The following PHACTR2 variants were observed in gnomAD, a reference collection of about 807,000 sequenced individuals.
PHACTR2 encodes chromosome 6 open reading frame 56.
PHACTR2 carries 30 observed loss-of-function variants against 76.0 expected under a neutral mutation model. The observed-to-expected ratio is 0.39, with a 90% confidence interval of 0.30 to 0.54. The LOEUF is 0.54. Ranked by LOEUF, PHACTR2 falls within the 20% of genes least tolerant of loss-of-function variation. The pLI, the probability that PHACTR2 is intolerant of heterozygous loss-of-function variation, is 0.61. For missense variants in PHACTR2, 696 were observed against 781.1 expected (o/e 0.89, Z 1.30); for synonymous variants, 292 against 292.5 (o/e 1.00, Z 0.02).
At position 143,547,631 on chromosome 6, in the gene PHACTR2, G is replaced by C. The variant is rs1325120495; in HGVS notation, c.217+10424G>C. On this transcript the variant is annotated intron_variant, in intron 1 of 11. Transcript: ENST00000367584. This position sits in a 1 kb window ranked among gnomAD's most constrained non-coding sequence, Gnocchi z 4.2. ...GATTACTAAGTAATAGCAAGGGTTT[G>C]AACAAAATGAACAAATTTCTATAGT... 6.6e-6 allele frequency among the ~76,000 whole-genome samples: 1 copy of C among 152,204 alleles called. No individual in the cohort carries two copies.
Position 143,754,633 on chromosome 6 carries a change from C to T in PHACTR2, c.454+721C>T, listed in dbSNP as rs149898363. On this transcript the variant is annotated intron_variant, in intron 4 of 12. Transcript: ENST00000440869. The surrounding 1 kb of genome is among the most constrained non-coding windows in gnomAD (Gnocchi z 6.2). ...CTATCAGGGACTCCCAGAACATTCA[C>T]AAATTCCTAGTTATGGATTGATGAC... 7.0e-3 allele frequency among the ~76,000 whole-genome samples: 1,073 copies of T among 152,304 alleles called. 13 individuals carry two copies. Among genetic ancestry groups the T allele is most frequent in the African/African-American group, 0.024 (1,014 of 41,558 alleles).
In PHACTR2 at chr6:143,679,959, G is replaced by T. The variant is rs1777351274; in HGVS notation, c.46+1750G>T. 1.3e-5 allele frequency among the ~76,000 whole-genome samples: 2 copies of T among 152,116 alleles called. No homozygotes were observed. Among genetic ancestry groups the T allele is most frequent in the African/African-American group, 4.8e-5 (2 of 41,416 alleles). Reference sequence around the variant, plus strand: ...AGTTTTGCGGATTAAAAGTTTGTATGAATTGAAATGACCAATCCATACATC... The same window carrying T: ...AGTTTTGCGGATTAAAAGTTTGTATTAATTGAAATGACCAATCCATACATC... On this transcript the variant is annotated intron_variant, in intron 1 of 12. Coordinates refer to ENST00000440869, the MANE Select transcript of PHACTR2 (RefSeq NM_001100164.2). The surrounding 1 kb of genome is among the most constrained non-coding windows in gnomAD (Gnocchi z 4.6).
Position 143,581,031 on chromosome 6 carries a change from G to A in PHACTR2, c.217+43824G>A, listed in dbSNP as rs1775566563. Among the ~76,000 whole-genome samples the A allele has an allele frequency of 1.3e-5, 2 of 152,192 alleles. No homozygotes were observed. The highest frequency in any genetic ancestry group is 6.5e-5 in the Admixed American group (1 of 15,280). ...CCTACACATCAGGAGCTCAAAAACA[G>A]ATATATTCTTTAAATGTCTAGCCAA... On this transcript the variant is annotated intron_variant, in intron 1 of 11. Transcript: ENST00000367584. This position sits in a 1 kb window ranked among gnomAD's most constrained non-coding sequence, Gnocchi z 4.5.
rs1776844815 is a variant in PHACTR2, at chr6:143,656,080, G to A, written c.13+47758G>A. On this transcript the variant is annotated intron_variant, in intron 1 of 11. Transcript: ENST00000305766. The surrounding 1 kb of genome is among the most constrained non-coding windows in gnomAD (Gnocchi z 5.3). ...TTAAAAGAAGCATCAGTGGAGGGAA[G>A]GGTAAATCGTGGGATAAAATACACT... Among the ~76,000 whole-genome samples, 2 of 152,166 alleles carry A rather than the reference G, an allele frequency of 1.3e-5. No individual in the cohort carries two copies. Among genetic ancestry groups the A allele is most frequent in the Admixed American group, 1.3e-4 (2 of 15,270 alleles).
chr6:143,608,469 C>A lies in PHACTR2; in HGVS notation c.13+147C>A. 1 of 765,732 alleles carries A rather than the reference C, an allele frequency of 1.3e-6. No individual in the cohort carries two copies. 47.4% of individuals were successfully genotyped at this position (765,732 alleles called of 1,614,324 possible). A position where few individuals can be genotyped will look rare whatever the true frequency, so the allele number is the denominator to read the frequency against. ...CGCGTGTAATATGTGAACCCCGATGCATTGTCCACAAGACAATTAGTGTTT... is the reference window on the plus strand; with the variant it reads ...CGCGTGTAATATGTGAACCCCGATGAATTGTCCACAAGACAATTAGTGTTT... On this transcript the variant is annotated intron_variant, in intron 1 of 11. Transcript: ENST00000305766. The surrounding 1 kb of genome is among the most constrained non-coding windows in gnomAD (Gnocchi z 4.6).
chr6:143,584,866 G>A (rs971234758), intron 1 of PHACTR2, among the ~76,000 whole-genome samples: 3 of 151,800 alleles, frequency 2.0e-5, no homozygotes, highest in Non-Finnish European at 2.9e-5. Context: ...ATTAGGACTC[G>A]GGCACCAGGG....
rs9403511 is a variant in PHACTR2 at position 143,571,634 on chromosome 6, T to G, written c.217+34427T>G. On this transcript the variant is annotated intron_variant, in intron 1 of 11. Coordinates refer to the PHACTR2 transcript ENST00000367584. The surrounding 1 kb of genome is among the most constrained non-coding windows in gnomAD (Gnocchi z 4.6). ...TTGCTATGTTTCCCAGGCCGGTCAATCATCACTCATTTTGTTGCCCACATT... is the reference window on the plus strand; with the variant it reads ...TTGCTATGTTTCCCAGGCCGGTCAAGCATCACTCATTTTGTTGCCCACATT... Among the ~76,000 whole-genome samples, 39,796 of 151,842 alleles carry G rather than the reference T, an allele frequency of 0.26. 5,238 individuals carry two copies. Among genetic ancestry groups the G allele is most frequent in the South Asian group, 0.39 (1,894 of 4,808 alleles).
At chr6:143,564,884 C>A (rs1044141940) in intron 1 of PHACTR2, among the ~76,000 whole-genome samples, 2 of 149,404 alleles carry the variant, frequency 1.3e-5, no homozygotes, top group African/African-American at 4.9e-5. Context: ...GTATTTTTCT[C>A]CAGATACATG....
rs140532006 is a variant in PHACTR2, at chr6:143,608,956, G to T, written c.13+634G>T. ...TAAATAATTAGCATAAAATTATCAGGTGGAACTTTTTTCTTTTTACTTTGC... is the reference window on the plus strand; with the variant it reads ...TAAATAATTAGCATAAAATTATCAGTTGGAACTTTTTTCTTTTTACTTTGC... On this transcript the variant is annotated intron_variant, in intron 1 of 11. Coordinates refer to the PHACTR2 transcript ENST00000305766. The surrounding 1 kb of genome is among the most constrained non-coding windows in gnomAD (Gnocchi z 4.6). Among the ~76,000 whole-genome samples, 1 of 152,276 alleles carries T rather than the reference G, an allele frequency of 6.6e-6. No individual in the cohort carries two copies. The highest frequency in any genetic ancestry group is 1.9e-4 in the East Asian group (1 of 5,188).
At position 143,546,379 on chromosome 6, in the gene PHACTR2, A is replaced by ATC. The variant is rs200411199; in HGVS notation, c.217+9180_217+9181dup. Reference sequence around the variant, plus strand: ...ACTTAAAAAAAAAAAAAAACATGTTATCTCTCTCTAGAACTTTGGACTGTG... The same window carrying ATC: ...ACTTAAAAAAAAAAAAAAACATGTTATCTCTCTCTCTAGAACTTTGGACTGTG... On this transcript the variant is annotated intron_variant, in intron 1 of 11. Coordinates refer to the PHACTR2 transcript ENST00000367584. This position sits in a 1 kb window ranked among gnomAD's most constrained non-coding sequence, Gnocchi z 4.9. 7.4e-3 allele frequency among the ~76,000 whole-genome samples: 1,121 copies of ATC among 151,830 alleles called. 20 individuals carry two copies. Among genetic ancestry groups the ATC allele is most frequent in the African/African-American group, 0.024 (995 of 41,408 alleles).
At chr6:143,605,125 ACT>A (rs1218296881), upstream of PHACTR2, among the ~76,000 whole-genome samples, 1 of 151,568 alleles carries the variant, frequency 6.6e-6, no homozygotes, top group African/African-American at 2.4e-5. This position sits in a 1 kb window ranked among gnomAD's most constrained non-coding sequence, Gnocchi z 5.0. Flanking sequence ...CCAGGCAAAC[ACT>A]CTCTTAAAAA....
chr6:143,652,285 T>G lies in PHACTR2; in HGVS notation c.13+43963T>G, dbSNP rs1165990013. Among the ~76,000 whole-genome samples the G allele has an allele frequency of 6.6e-6, 1 of 152,224 alleles. No individual in the cohort carries two copies. Among genetic ancestry groups the G allele is most frequent in the East Asian group, 1.9e-4 (1 of 5,200 alleles). ...GCACAGATGAGTGTTGTTTTGGTTTTTGTTTAGTGATTAAGTGTACAATCC... is the reference window on the plus strand; with the variant it reads ...GCACAGATGAGTGTTGTTTTGGTTTGTGTTTAGTGATTAAGTGTACAATCC... On this transcript the variant is annotated intron_variant, in intron 1 of 11. Transcript: ENST00000305766. The surrounding 1 kb of genome is among the most constrained non-coding windows in gnomAD (Gnocchi z 4.5).
Position 143,775,422 on chromosome 6 carries a change from G to A in PHACTR2, c.1589+1207G>A, listed in dbSNP as rs576350180. Among the ~76,000 whole-genome samples the A allele has an allele frequency of 8.5e-4, 129 of 152,270 alleles. No individual in the cohort carries two copies. The highest frequency in any genetic ancestry group is 3.0e-3 in the African/African-American group (125 of 41,546). On this transcript the variant is annotated intron_variant, in intron 8 of 12. Transcript: ENST00000440869. The surrounding 1 kb of genome is among the most constrained non-coding windows in gnomAD (Gnocchi z 4.4). ...GCCAGCAGAAGCAAGAGGGACTAAC[G>A]TGATTAATGGTATCGAGCTGGAAAA...
intron 1 of PHACTR2, among the ~76,000 whole-genome samples, chr6:143,620,235 G>A (rs1034217103): frequency 2.0e-5 from 3 of 152,134 alleles, no homozygotes; most frequent in African/African-American, 7.2e-5. Context: ...TTTTGTCACA[G>A]CCCTAATGCT....
At chr6:143,815,642 C>T (rs1318095384) in intron 12 of PHACTR2, among the ~76,000 whole-genome samples, 2 of 152,152 alleles carry the variant, frequency 1.3e-5, no homozygotes, top group South Asian at 2.1e-4. Context: ...CCTGTAATCC[C>T]AGCACTTTGG....
At chr6:143,726,569 T>C (rs1377979402) in intron 2 of PHACTR2, among the ~76,000 whole-genome samples, 2 of 152,212 alleles carry the variant, frequency 1.3e-5, no homozygotes, top group East Asian at 3.8e-4. Context: ...TCCTCAAGTT[T>C]CCTCCATGCT....
At chr6:143,538,314 T>TATG (rs1781138697) in intron 1 of PHACTR2, among the ~76,000 whole-genome samples, 1 of 152,238 alleles carries the variant, frequency 6.6e-6, no homozygotes, top group Non-Finnish European at 1.5e-5. Context: ...GGAATCATAG[T>TATG]ATGGTACCAC....
intron 4 of PHACTR2, among the ~76,000 whole-genome samples, chr6:143,759,663 T>C (rs1779389321): frequency 1.3e-5 from 2 of 150,672 alleles, no homozygotes; most frequent in African/African-American, 4.9e-5. Flanking sequence ...AAGATTTTCT[T>C]TCATGCACAC....
chr6:143,725,577 TTTG>T (rs1778546692), intron 2 of PHACTR2, among the ~76,000 whole-genome samples: 1 of 151,930 alleles, frequency 6.6e-6, no homozygotes, highest in Non-Finnish European at 1.5e-5. Flanking sequence ...TCACCATAGT[TTTG>T]TTGTTTCAAG....
Sources: allele counts gnomAD v4.1 joint callset (sites outside exome capture counted in the v4.1 genomes callset), GRCh38; gene constraint gnomAD v4.1.1; non-coding constraint Gnocchi (gnomAD v3.1); transcripts MANE v1.5; gene names NCBI Gene and HGNC (gene_info 2026-07-23, HGNC 2026-07-21).